PIGL: variants seen among roughly 807,000 people sequenced by gnomAD.
PIGL encodes phosphatidylinositol glycan anchor biosynthesis class L.
Under a neutral mutation model 31.1 loss-of-function variants are expected in PIGL, and 22 were observed. The observed-to-expected ratio is 0.71, with a 90% CI of 0.51 to 1.01. The LOEUF (loss-of-function observed/expected upper bound fraction) is 1.01. PIGL is among the 50% of genes least tolerant of loss of function. The pLI, the probability that PIGL is intolerant of heterozygous loss-of-function variation, is 0.00. For synonymous variants in PIGL, 131 were observed against 117.4 expected, an observed-to-expected ratio of 1.12 and a Z score of -0.75; for missense variants, 302 against 315.9, an observed-to-expected ratio of 0.96 and a Z score of 0.33.
At chr17:16,306,938 G>C (rs528807197) in intron 3 of PIGL, among the ~76,000 whole-genome samples, 4 of 152,178 alleles carry the variant, frequency 2.6e-5, no homozygotes, top group African/African-American at 9.7e-5. Context: ...GGTAAGGCTC[G>C]GCTGCGACTG....
At chr17:16,225,420 G>A (rs577755972) in intron 1 of PIGL, among the ~76,000 whole-genome samples, 7 of 130,940 alleles carry the variant, frequency 5.3e-5, no homozygotes, top group African/African-American at 8.8e-5. Context: ...ACGGAGTCTA[G>A]CTCTGTTGCC....
intron 5 of PIGL, 114 bp downstream of exon 5, chr17:16,316,826 T>C (rs570626509): frequency 6.4e-5 from 99 of 1,538,936 alleles, no homozygotes; most frequent in Middle Eastern, 1.9e-4. Flanking sequence ...GAGGCAGTGG[T>C]TGGGGAGGCC....
At chr17:16,248,799 G>A (rs1297330487) in intron 2 of PIGL, among the ~76,000 whole-genome samples, 3 of 152,128 alleles carry the variant, frequency 2.0e-5, no homozygotes, top group Non-Finnish European at 2.9e-5. Context: ...TAGTCAGCTT[G>A]GGCTGCCAAA....
At chr17:16,271,230 T>TC (rs754365282) in intron 2 of PIGL, among the ~76,000 whole-genome samples, 1 of 152,190 alleles carries the variant, frequency 6.6e-6, no homozygotes, top group Non-Finnish European at 1.5e-5. Flanking sequence ...TAGGAATTAT[T>TC]CTTCTGTAGC....
At chr17:16,311,244 A>C (rs896611591) in intron 3 of PIGL, among the ~76,000 whole-genome samples, 8 of 150,746 alleles carry the variant, frequency 5.3e-5, no homozygotes, top group Non-Finnish European at 1.2e-4. Context: ...TATTTCTTTT[A>C]TTATTTGAGT....
intron 2 of PIGL, among the ~76,000 whole-genome samples, chr17:16,280,084 C>A (rs1250221533): frequency 6.6e-6 from 1 of 152,222 alleles, no homozygotes; most frequent in Non-Finnish European, 1.5e-5. Flanking sequence ...AAAACATATG[C>A]ATCACTGAGG....
At chr17:16,266,906 T>TG (rs5819561) in intron 2 of PIGL, among the ~76,000 whole-genome samples, 69 of 123,112 alleles carry the variant, frequency 5.6e-4, no homozygotes, top group Admixed American at 3.7e-3. Flanking sequence ...TCTTTTTTTT[T>TG]GGGGGGGGGG....
At position 16,321,854 on chromosome 17, in the gene PIGL, G is replaced by A. The variant is rs999150526; in HGVS notation, c.660+3946G>A. 2.6e-4 allele frequency among the ~76,000 whole-genome samples: 40 copies of A among 151,016 alleles called. 1 individual carries two copies. Among genetic ancestry groups the A allele is most frequent in the Non-Finnish European group, 1.0e-4 (7 of 67,798 alleles). ...GGCTGGAGTACAATGGTGCAATCTC[G>A]GCTCACCTCAACCTTCGCCTCCCGG... is the stretch of plus-strand genomic sequence containing the variant. On this transcript the variant is annotated intron_variant, in intron 6 of 6. Coordinates refer to ENST00000225609, the MANE Select transcript of PIGL (RefSeq NM_004278.4).
At chr17:16,235,752 CTTTT>C (rs35285920) in intron 2 of PIGL, among the ~76,000 whole-genome samples, 3 of 111,532 alleles carry the variant, frequency 2.7e-5, no homozygotes, top group Admixed American at 1.0e-4. Flanking sequence ...TGTGTCCGGT[CTTTT>C]TTTTTTTTTT....
intron 2 of PIGL, among the ~76,000 whole-genome samples, chr17:16,278,713 C>A (rs376147569): frequency 2.2e-4 from 32 of 147,674 alleles, no homozygotes; most frequent in African/African-American, 2.5e-4. Context: ...TAAATCTAGG[C>A]AAAAAAAAAA....
At chr17:16,230,881 G>A (rs1373308795) in intron 1 of PIGL, among the ~76,000 whole-genome samples, 1 of 151,864 alleles carries the variant, frequency 6.6e-6, no homozygotes, top group East Asian at 1.9e-4. Context: ...TATTTTTAAA[G>A]AATAAAATTA....
At chr17:16,279,533 T>C (rs957801269) in intron 2 of PIGL, 2 of 152,236 alleles carry the variant, frequency 1.3e-5, no homozygotes, top group Non-Finnish European at 2.9e-5. Context: ...TTTCTAACTT[T>C]TAAATTTTCA....
chr17:16,308,791 G>A (rs1348022904), intron 3 of PIGL, among the ~76,000 whole-genome samples: 1 of 80,156 alleles, frequency 1.2e-5, no homozygotes, highest in African/African-American at 4.7e-5. Context: ...CTGCATCCAG[G>A]CTTTTTTTTT....
At chr17:16,285,684 C>T (rs1299123916) in intron 2 of PIGL, among the ~76,000 whole-genome samples, 1 of 152,190 alleles carries the variant, frequency 6.6e-6, no homozygotes, top group Admixed American at 6.5e-5. Flanking sequence ...GAAATGAGGT[C>T]CTTATCACAG....
At chr17:16,278,648 A>T (rs1463339308) in intron 2 of PIGL, among the ~76,000 whole-genome samples, 1 of 151,998 alleles carries the variant, frequency 6.6e-6, no homozygotes, top group Non-Finnish European at 1.5e-5. Context: ...AACCTTCCAC[A>T]ACTTGTTCAA....
chr17:16,249,620 A>T (rs1038660945), intron 2 of PIGL, among the ~76,000 whole-genome samples: 3 of 152,246 alleles, frequency 2.0e-5, no homozygotes, highest in Non-Finnish European at 2.9e-5. Flanking sequence ...AGTATGGCTC[A>T]GTCCAAGGCC....
intron 1 of PIGL, among the ~76,000 whole-genome samples, chr17:16,231,410 A>T (rs943813891): frequency 2.7e-5 from 4 of 148,656 alleles, no homozygotes; most frequent in Non-Finnish European, 6.0e-5. Context: ...AATTTTTAAA[A>T]TTTTTCTTTT....
At chr17:16,295,871 G>T (rs955182139) in intron 2 of PIGL, among the ~76,000 whole-genome samples, 1 of 152,200 alleles carries the variant, frequency 6.6e-6, no homozygotes, top group African/African-American at 2.4e-5. Flanking sequence ...AACCGGGGAG[G>T]CAGAGGTTGC....
At chr17:16,296,809 C>G (rs2092984181) in intron 2 of PIGL, among the ~76,000 whole-genome samples, 1 of 151,452 alleles carries the variant, frequency 6.6e-6, no homozygotes, top group African/African-American at 2.4e-5. Context: ...CTCCACCTCC[C>G]AGGTTCACAC....
Sources: allele counts gnomAD v4.1 joint callset (sites outside exome capture counted in the v4.1 genomes callset), GRCh38; gene constraint gnomAD v4.1.1; transcripts MANE v1.5; gene names NCBI Gene and HGNC (gene_info 2026-07-23, HGNC 2026-07-21).